Variants in METTL9 observed in about 807,000 individuals in gnomAD.
The protein encoded by METTL9 is methyltransferase 9, His-X-His N1(pi)-histidine, also known as protein-L-histidine N-pros-methyltransferase.
METTL9 carries 10 observed loss-of-function variants against 36.0 expected under a neutral mutation model. The ratio of observed to expected loss-of-function variants is 0.28; its 90% confidence interval spans 0.17 to 0.47. METTL9 has a LOEUF of 0.47. Ranked by LOEUF, METTL9 falls within the 20% of genes least tolerant of loss-of-function variation. The pLI, the probability that METTL9 is intolerant of heterozygous loss-of-function variation, is 0.99. For missense variants in METTL9, 246 were observed against 383.5 expected, an observed-to-expected ratio of 0.64 and a Z score of 3.00; for synonymous variants, 175 against 149.7, an observed-to-expected ratio of 1.17 and a Z score of -1.23.
Position 21,644,460 on chromosome 16 carries a change from T to C in METTL9, c.752-10767T>C, listed in dbSNP as rs1221237296. The C allele has an allele frequency of 4.3e-6, 5 of 1,155,472 alleles. No homozygotes were observed. In the Admixed American group the frequency reaches 9.1e-5, roughly 21 times the overall value. 71.6% of individuals were successfully genotyped at this position (1,155,472 alleles called of 1,614,324 possible). On this transcript the variant is annotated intron_variant, in intron 4 of 4. Coordinates refer to ENST00000358154, the MANE Select transcript of METTL9 (RefSeq NM_016025.5). ...AAGCCTATTCTTTCAAATACATGTG[T>C]AAAGTATCCTTCACACTGCGTTTTA...
intron 4 of METTL9, chr16:21,652,910 C>T (rs963937601): frequency 2.1e-5 from 6 of 288,740 alleles, no homozygotes; most frequent in South Asian, 9.7e-5. Context: ...ACAAATAATT[C>T]GTACTTGGAT....
intron 4 of METTL9, among the ~76,000 whole-genome samples, chr16:21,634,724 C>T (rs569090124): frequency 1.2e-4 from 19 of 152,240 alleles, no homozygotes; most frequent in Middle Eastern, 3.4e-3. Flanking sequence ...AATAAACTTA[C>T]CTTTTAGGAT....
chr16:21,613,204 T>A (rs1355526298), intron 2 of METTL9, among the ~76,000 whole-genome samples: 3 of 124,678 alleles, frequency 2.4e-5, no homozygotes, highest in Admixed American at 1.8e-4. Flanking sequence ...TTTTTTTTTT[T>A]AAAGACAGTC....
intron 4 of METTL9, among the ~76,000 whole-genome samples, chr16:21,648,200 G>C (rs921290872): frequency 6.6e-6 from 1 of 152,146 alleles, no homozygotes; most frequent in Non-Finnish European, 1.5e-5. Flanking sequence ...GTGCTGCTTT[G>C]TAGGCCCTTG....
At chr16:21,646,759 G>C (rs372069211) in intron 4 of METTL9, 17 of 311,222 alleles carry the variant, frequency 5.5e-5, no homozygotes, top group African/African-American at 3.7e-4. Flanking sequence ...GGTTACAAGC[G>C]ATTCTCCTGC....
intron 4 of METTL9, chr16:21,643,412 G>A (rs1966329952): frequency 1.6e-6 from 1 of 639,982 alleles, no homozygotes; most frequent in East Asian, 2.7e-5. Context: ...AGGAAATAGT[G>A]TCTGCAGTTG....
chr16:21,641,043 G>A (rs143500893), intron 4 of METTL9: 2,758 of 152,440 alleles, frequency 0.018, 41 homozygotes, highest in Non-Finnish European at 0.028. Flanking sequence ...GCAAATGTGC[G>A]TTACCCCACT....
chr16:21,635,471 A>G (rs905006594), intron 4 of METTL9, among the ~76,000 whole-genome samples: 1 of 151,930 alleles, frequency 6.6e-6, no homozygotes, highest in Admixed American at 6.5e-5. Flanking sequence ...AGCTCTGTAT[A>G]GTTGTGTATT....
intron 1 of METTL9, among the ~76,000 whole-genome samples, chr16:21,610,964 A>G (rs1965411997): frequency 6.6e-6 from 1 of 152,198 alleles, no homozygotes. Context: ...AAAACGGTTT[A>G]TGACCTGCAC....
chr16:21,600,016 T>G, intron 1 of METTL9, 118 bp downstream of exon 1: 2 of 920,548 alleles, frequency 2.2e-6, no homozygotes, highest in Non-Finnish European at 2.8e-6. Flanking sequence ...CCCCTCCGCC[T>G]CGGCCCCTTG....
chr16:21,639,504 G>C (rs1302781229), intron 4 of METTL9: 3 of 152,228 alleles, frequency 2.0e-5, no homozygotes, highest in Non-Finnish European at 4.4e-5. Context: ...ACCTGAGCTA[G>C]TGGTCTCAGA....
At chr16:21,623,856 C>T (rs904895906) in intron 3 of METTL9, among the ~76,000 whole-genome samples, 1 of 151,918 alleles carries the variant, frequency 6.6e-6, no homozygotes, top group Admixed American at 6.6e-5. Flanking sequence ...CTGCAGCCTC[C>T]GCCTCCCTGA....
intron 4 of METTL9, among the ~76,000 whole-genome samples, chr16:21,650,989 C>A (rs915039455): frequency 6.6e-6 from 1 of 152,130 alleles, no homozygotes; most frequent in Non-Finnish European, 1.5e-5. Context: ...TATGGGAGGC[C>A]GAGGCGGGCG....
intron 4 of METTL9, chr16:21,652,425 T>C: frequency 1.2e-6 from 1 of 822,928 alleles, no homozygotes; most frequent in Non-Finnish European, 1.9e-6. Flanking sequence ...TTTCATAATG[T>C]TATACATTTA....
chr16:21,621,566 A>G (rs887188), intron 3 of METTL9, among the ~76,000 whole-genome samples: 8,954 of 151,762 alleles, frequency 0.059, 536 homozygotes, highest in East Asian at 0.3. Context: ...AACTCAGGCA[A>G]TCCGCCCGCC....
At chr16:21,598,511 T>G (rs1157257783), upstream of METTL9, among the ~76,000 whole-genome samples, 1 of 152,164 alleles carries the variant, frequency 6.6e-6, no homozygotes, top group Non-Finnish European at 1.5e-5. Context: ...ACATTTACAT[T>G]ATTTCTGGTG....
At chr16:21,640,457 A>G (rs1966222064) in intron 4 of METTL9, 1 of 151,598 alleles carries the variant, frequency 6.6e-6, no homozygotes, top group Admixed American at 6.6e-5. Flanking sequence ...TTGGTTAAAA[A>G]TCAGTATTAT....
intron 1 of METTL9, among the ~76,000 whole-genome samples, chr16:21,609,417 A>G (rs1050882435): frequency 4.6e-5 from 7 of 152,198 alleles, no homozygotes; most frequent in Non-Finnish European, 7.3e-5. Context: ...ATTGTCTACA[A>G]TTATTCAATT....
chr16:21,629,985 A>G (rs762514099), intron 4 of METTL9, among the ~76,000 whole-genome samples: 1 of 152,206 alleles, frequency 6.6e-6, no homozygotes, highest in Non-Finnish European at 1.5e-5. Context: ...TTAGCTAGAC[A>G]CAGAACGCTG....
Sources: gnomAD v4.1 joint callset for allele counts (sites outside exome capture counted in the v4.1 genomes callset) on GRCh38, gnomAD v4.1.1 for gene constraint, MANE v1.5 for transcripts, NCBI Gene and HGNC (gene_info 2026-07-23, HGNC 2026-07-21) for gene names.